The following GSG1L variants were observed in gnomAD, a reference collection of about 807,000 sequenced individuals.
GSG1L encodes germ cell-specific gene 1-like protein.
In GSG1L, 24 loss-of-function variants were observed where a neutral mutation model predicts 42.1. That is an observed-to-expected ratio of 0.57 (90% CI 0.41 to 0.80). The LOEUF (loss-of-function observed/expected upper bound fraction) is 0.80. Among genes scored for constraint, GSG1L ranks in the 30% least tolerant of loss-of-function variants. GSG1L has a pLI of 0.00. For synonymous variants in GSG1L, 215 were observed against 203.5 expected, an observed-to-expected ratio of 1.06 and a Z score of -0.48; for missense variants, 445 against 472.2, an observed-to-expected ratio of 0.94 and a Z score of 0.53.
Position 27,874,441 on chromosome 16 carries a change from C to CTTTTTTT in GSG1L, c.550+10038_550+10044dup, listed in dbSNP as rs71140916. Reference sequence around the variant, plus strand: ...TCTGGACACTGAAGCACAGGAGAGCCTTTTTTTTTTTTTTTTTTTTTTTTT... The same window carrying CTTTTTTT: ...TCTGGACACTGAAGCACAGGAGAGCCTTTTTTTTTTTTTTTTTTTTTTTTTTTTTTTT... On this transcript the variant is annotated intron_variant, in intron 3 of 6. Transcript: ENST00000447459. Among the ~76,000 whole-genome samples, 595 of 94,372 alleles carry CTTTTTTT rather than the reference C, an allele frequency of 6.3e-3. 114 individuals carry two copies. The highest frequency in any genetic ancestry group is 0.02 in the Middle Eastern group (2 of 100). 61.9% of individuals were successfully genotyped at this position (94,372 alleles called of 152,430 possible).
chr16:28,010,275 A>C (rs1033979977), intron 1 of GSG1L, among the ~76,000 whole-genome samples: 2 of 152,192 alleles, frequency 1.3e-5, no homozygotes, highest in Non-Finnish European at 2.9e-5. Context: ...AAGGGGCAGC[A>C]TCTTATCTTG....
chr16:28,037,704 G>C (rs538018168), intron 1 of GSG1L, among the ~76,000 whole-genome samples: 1 of 152,276 alleles, frequency 6.6e-6, no homozygotes, highest in South Asian at 2.1e-4. Context: ...TTTACTATGA[G>C]CCAATCCTTA....
chr16:27,967,097 G>A (rs1455893099), intron 1 of GSG1L, among the ~76,000 whole-genome samples: 2 of 152,170 alleles, frequency 1.3e-5, no homozygotes, highest in Non-Finnish European at 2.9e-5. Flanking sequence ...CCAACAAAGA[G>A]ACAGATTGGG....
intron 5 of GSG1L, among the ~76,000 whole-genome samples, chr16:27,818,933 C>T (rs1023289284): frequency 1.3e-5 from 2 of 152,084 alleles, no homozygotes; most frequent in Non-Finnish European, 2.9e-5. Flanking sequence ...TTTTGTCTCC[C>T]GTTTCTCCAA....
chr16:27,959,651 TGCGCACCTGTAGTCCC>T (rs1432837225), intron 2 of GSG1L, among the ~76,000 whole-genome samples: 1 of 151,542 alleles, frequency 6.6e-6, no homozygotes, highest in Non-Finnish European at 1.5e-5. Context: ...GGCATGGTAG[TGCGCACCTGTAGTCCC>T]AGCTACTCGG....
At chr16:27,853,126 T>C (rs2083534952) in intron 3 of GSG1L, among the ~76,000 whole-genome samples, 1 of 152,158 alleles carries the variant, frequency 6.6e-6, no homozygotes, top group South Asian at 2.1e-4. Context: ...ATGAGACCAA[T>C]CGGCTGGGGG....
intron 2 of GSG1L, among the ~76,000 whole-genome samples, chr16:27,926,720 A>T (rs1596619008): frequency 2.6e-5 from 4 of 152,136 alleles, no homozygotes; most frequent in African/African-American, 9.7e-5. Context: ...AAAACCTTAG[A>T]TAAGGAATCC....
At chr16:27,987,353 G>A (rs1003437205) in intron 1 of GSG1L, among the ~76,000 whole-genome samples, 4 of 152,168 alleles carry the variant, frequency 2.6e-5, no homozygotes, top group African/African-American at 7.2e-5. Flanking sequence ...TCTGTTGGAT[G>A]TTTTAAGGTC....
chr16:27,987,211 C>T (rs71389826), intron 1 of GSG1L, among the ~76,000 whole-genome samples: 31,820 of 115,708 alleles, frequency 0.28, 3,664 homozygotes, highest in South Asian at 0.48. Flanking sequence ...GAGTGAACTC[C>T]GTCTCAAAAA....
At chr16:27,996,958 C>T (rs546845478) in intron 1 of GSG1L, among the ~76,000 whole-genome samples, 3 of 152,252 alleles carry the variant, frequency 2.0e-5, no homozygotes, top group Non-Finnish European at 2.9e-5. Flanking sequence ...GACAGGGTTT[C>T]GCCATGTTGG....
rs528656633 is a variant in GSG1L, at chr16:27,853,874, G to A, written c.551-8813C>T. ...GACCTAGTGGGTCCAGGGTAACCCA[G>A]GACAAACTGCTGGTGGGACGATATC... On this transcript the variant is annotated intron_variant, in intron 3 of 6. Transcript: ENST00000447459. Among the ~76,000 whole-genome samples the A allele has an allele frequency of 9.2e-5, 14 of 152,248 alleles. No individual in the cohort carries two copies. The East Asian group carries it at 2.5e-3, about 27-fold the overall frequency.
intron 3 of GSG1L, among the ~76,000 whole-genome samples, chr16:27,883,367 C>A (rs2083985213): frequency 6.6e-6 from 1 of 152,094 alleles, no homozygotes; most frequent in African/African-American, 2.4e-5. Context: ...GGCCAAATCC[C>A]ACATTGTCTG....
chr16:27,979,673 G>A (rs377623234), intron 1 of GSG1L, among the ~76,000 whole-genome samples: 1,410 of 42,596 alleles, frequency 0.033, 18 homozygotes, highest in African/African-American at 0.053. Context: ...GAGAGAGAGA[G>A]AGAGAGAAAG....
In GSG1L at chr16:27,807,562, G is replaced by GA. The variant is rs754096851; in HGVS notation, c.831-9dup. On this transcript the variant is annotated splice_polypyrimidine_tract_variant and intron_variant, in intron 5 of 6. Transcript: ENST00000447459. Reference sequence around the variant, plus strand: ...CCGTCCCTCTTCTCCATCCTGGAAAGAAAAAAAAACAAAAACAAAATCCTA... The same window carrying GA: ...CCGTCCCTCTTCTCCATCCTGGAAAGAAAAAAAAAACAAAAACAAAATCCTA... 2,157 of 1,537,126 alleles carry GA rather than the reference G, an allele frequency of 1.4e-3. No individual in the cohort carries two copies. Among genetic ancestry groups the GA allele is most frequent in the East Asian group, 1.9e-3 (81 of 42,700 alleles).
At chr16:28,020,632 C>T (rs2085831956) in intron 1 of GSG1L, among the ~76,000 whole-genome samples, 1 of 152,180 alleles carries the variant, frequency 6.6e-6, no homozygotes, top group Non-Finnish European at 1.5e-5. Flanking sequence ...CGTCCTCTGT[C>T]ACATTGAATC....
intron 1 of GSG1L, among the ~76,000 whole-genome samples, chr16:27,980,906 A>AAC (rs892027612): frequency 5.3e-5 from 8 of 151,228 alleles, no homozygotes; most frequent in African/African-American, 7.3e-5. Context: ...AAAAACAAAA[A>AAC]AAAAAAAAAA....
chr16:27,917,867 C>T (rs2084476613), intron 2 of GSG1L, among the ~76,000 whole-genome samples: 1 of 152,122 alleles, frequency 6.6e-6, no homozygotes, highest in African/African-American at 2.4e-5. Flanking sequence ...CTCCATCTTC[C>T]ATGCTGTGGC....
At chr16:27,965,932 A>G (rs1266874599) in intron 1 of GSG1L, among the ~76,000 whole-genome samples, 2 of 152,028 alleles carry the variant, frequency 1.3e-5, no homozygotes, top group East Asian at 3.9e-4. Flanking sequence ...GGCCTGCAAG[A>G]CCCTCTGTGA....
At chr16:27,845,630 A>C (rs1474030388) in intron 3 of GSG1L, among the ~76,000 whole-genome samples, 1 of 151,868 alleles carries the variant, frequency 6.6e-6, no homozygotes, top group East Asian at 1.9e-4. Context: ...TAGACTTTCC[A>C]CTCTTTTAAG....
Sources: gnomAD v4.1 joint callset for allele counts (sites outside exome capture counted in the v4.1 genomes callset) on GRCh38, gnomAD v4.1.1 for gene constraint, MANE v1.5 for transcripts, NCBI Gene and HGNC (gene_info 2026-07-23, HGNC 2026-07-21) for gene names.